Variants in MAGI2 observed in about 807,000 individuals in gnomAD.
MAGI2 encodes membrane-associated guanylate kinase, WW and PDZ domain-containing protein 2.
In MAGI2, 35 loss-of-function variants were observed where a neutral mutation model predicts 133.3. The observed-to-expected ratio is 0.26, with a 90% CI of 0.20 to 0.35. The LOEUF (loss-of-function observed/expected upper bound fraction) is 0.35. MAGI2 is among the 10% of genes least tolerant of loss of function. The probability of loss-of-function intolerance (pLI) is 1.00; values close to 1 mark genes in which losing one functional copy is unlikely to be tolerated. For missense variants in MAGI2, 1,636 were observed against 1,863.4 expected, an observed-to-expected ratio of 0.88 and a Z score of 2.25; for synonymous variants, 729 against 710.6, an observed-to-expected ratio of 1.03 and a Z score of -0.41.
intron 9 of MAGI2, among the ~76,000 whole-genome samples, chr7:78,334,722 C>T (rs7811103): frequency 0.012 from 1,839 of 152,222 alleles, 28 homozygotes; most frequent in African/African-American, 0.04. Context: ...GGCATATCCA[C>T]GGGGCATATG....
chr7:78,918,571 T>C (rs1240317311), intron 2 of MAGI2, among the ~76,000 whole-genome samples: 3 of 152,132 alleles, frequency 2.0e-5, no homozygotes, highest in Non-Finnish European at 4.4e-5. Context: ...TACAGATTTA[T>C]CATTTTGGCC....
chr7:79,164,013 GC>G (rs1824681197), intron 1 of MAGI2, among the ~76,000 whole-genome samples: 1 of 151,870 alleles, frequency 6.6e-6, no homozygotes, highest in Non-Finnish European at 1.5e-5. Context: ...ATGTCCTCCT[GC>G]CATTATCCAA....
At chr7:79,301,169 A>G (rs1837371051) in intron 1 of MAGI2, among the ~76,000 whole-genome samples, 1 of 152,208 alleles carries the variant, frequency 6.6e-6, no homozygotes, top group African/African-American at 2.4e-5. Flanking sequence ...CAGAGTTCCT[A>G]TTTAGGCACT....
At chr7:78,319,563 T>C (rs1351646467) in intron 9 of MAGI2, among the ~76,000 whole-genome samples, 1 of 152,214 alleles carries the variant, frequency 6.6e-6, no homozygotes, top group Non-Finnish European at 1.5e-5. Context: ...GAAATAAAGA[T>C]GTTCTTTGAA....
intron 6 of MAGI2, among the ~76,000 whole-genome samples, chr7:78,468,367 T>G (rs28571075): frequency 0.045 from 6,878 of 152,192 alleles, 557 homozygotes; most frequent in African/African-American, 0.16. Context: ...ATGTTGGCTG[T>G]ATGAGATTAG....
At chr7:78,290,070 C>A in intron 9 of MAGI2, among the ~76,000 whole-genome samples, 1 of 152,168 alleles carries the variant, frequency 6.6e-6, no homozygotes, top group East Asian at 1.9e-4. Context: ...AACCAGCTAG[C>A]ATCATAATGA....
At chr7:79,317,445 A>AAATGCAAG (rs143488443) in intron 1 of MAGI2, among the ~76,000 whole-genome samples, 2,076 of 152,280 alleles carry the variant, frequency 0.014, 50 homozygotes, top group African/African-American at 0.047. Flanking sequence ...ACTGAGCCAC[A>AAATGCAAG]AATGCAAGCC....
intron 2 of MAGI2, among the ~76,000 whole-genome samples, chr7:78,724,503 G>A (rs1483517405): frequency 2.0e-5 from 3 of 152,144 alleles, no homozygotes; most frequent in African/African-American, 7.2e-5. Context: ...AAATTGATGA[G>A]GGAGTTTACA....
At chr7:79,409,228 T>A (rs1000316248) in intron 1 of MAGI2, among the ~76,000 whole-genome samples, 71 of 148,136 alleles carry the variant, frequency 4.8e-4, no homozygotes, top group East Asian at 4.7e-3. Flanking sequence ...ATTAAAAAAA[T>A]TTTTTTTCAG....
chr7:79,397,316 T>C (rs953358077), intron 1 of MAGI2, among the ~76,000 whole-genome samples: 1 of 151,956 alleles, frequency 6.6e-6, no homozygotes, highest in African/African-American at 2.4e-5. Flanking sequence ...ATAGCAACAC[T>C]TTTTCATGTC....
intron 2 of MAGI2, among the ~76,000 whole-genome samples, chr7:78,756,508 A>C (rs1191413356): frequency 2.0e-5 from 3 of 152,184 alleles, no homozygotes; most frequent in African/African-American, 7.2e-5. Context: ...AGTTGTTCAG[A>C]GAATGAACCG....
intron 9 of MAGI2, among the ~76,000 whole-genome samples, chr7:78,298,819 T>G (rs1797562391): frequency 7.0e-6 from 1 of 142,732 alleles, no homozygotes; most frequent in South Asian, 2.4e-4. Context: ...CGTTTTTTTT[T>G]TTTTTTTTTT....
intron 1 of MAGI2, among the ~76,000 whole-genome samples, chr7:79,194,828 T>A (rs1191653900): frequency 6.6e-6 from 1 of 151,744 alleles, no homozygotes; most frequent in Non-Finnish European, 1.5e-5. Flanking sequence ...TAGATAGCTG[T>A]TTGCTATAGT....
At chr7:78,960,957 CAG>C (rs1224713844) in intron 2 of MAGI2, among the ~76,000 whole-genome samples, 3 of 152,086 alleles carry the variant, frequency 2.0e-5, no homozygotes, top group Non-Finnish European at 4.4e-5. Context: ...TCCTAAGTAA[CAG>C]AAACTCCAGG....
chr7:79,200,368 T>C (rs1329497439), intron 1 of MAGI2, among the ~76,000 whole-genome samples: 1 of 151,366 alleles, frequency 6.6e-6, no homozygotes, highest in Admixed American at 6.6e-5. Context: ...TTAGGGAGGC[T>C]GAGGCAGGAG....
At chr7:79,144,796 A>C (rs1319153819) in intron 1 of MAGI2, among the ~76,000 whole-genome samples, 1 of 152,170 alleles carries the variant, frequency 6.6e-6, no homozygotes, top group East Asian at 1.9e-4. Flanking sequence ...GAGAAGTTAA[A>C]ACTTCACAGT....
chr7:78,036,415 AATG>A (rs34455070), intron 21 of MAGI2, among the ~76,000 whole-genome samples: 151,999 of 152,184 alleles, frequency 1, 75,907 homozygotes, highest in Middle Eastern at 1. Flanking sequence ...TAATAATAAT[AATG>A]ATGGTAAAAA....
At chr7:78,079,318 T>C (rs1815707056) in intron 20 of MAGI2, among the ~76,000 whole-genome samples, 1 of 152,242 alleles carries the variant, frequency 6.6e-6, no homozygotes, top group African/African-American at 2.4e-5. Flanking sequence ...CAGCCATATG[T>C]TACTTATTAT....
At chr7:78,133,901 G>A (rs182322875) in intron 17 of MAGI2, among the ~76,000 whole-genome samples, 14 of 151,962 alleles carry the variant, frequency 9.2e-5, no homozygotes, top group African/African-American at 3.1e-4. Flanking sequence ...ATTCCCCTAT[G>A]AACTCTTCTT....
Sources: gnomAD v4.1 joint callset for allele counts (sites outside exome capture counted in the v4.1 genomes callset) on GRCh38, gnomAD v4.1.1 for gene constraint, MANE v1.5 for transcripts, NCBI Gene and HGNC (gene_info 2026-07-23, HGNC 2026-07-21) for gene names.